SPRED1: variants seen among roughly 807,000 people sequenced by gnomAD.
The protein encoded by SPRED1 is sprouty related EVH1 domain containing 1.
SPRED1 carries 18 observed loss-of-function variants against 52.3 expected under a neutral mutation model. That is an observed-to-expected ratio of 0.34 (90% confidence interval 0.24 to 0.51). SPRED1 has a LOEUF of 0.51. Among genes scored for constraint, SPRED1 ranks in the 20% least tolerant of loss-of-function variants. The pLI is 0.97. For synonymous variants in SPRED1, 155 were observed against 179.7 expected (o/e 0.86, Z 1.10); for missense variants, 485 against 551.0 (o/e 0.88, Z 1.20).
intron 5 of SPRED1, among the ~76,000 whole-genome samples, chr15:38,344,034 A>T (rs1236922894): frequency 1.3e-5 from 2 of 152,190 alleles, no homozygotes; most frequent in African/African-American, 4.8e-5. Context: ...AGCAATCTGC[A>T]TATTTTCGCT....
intron 5 of SPRED1, among the ~76,000 whole-genome samples, chr15:38,340,900 A>G (rs1369750580): frequency 6.7e-6 from 1 of 149,062 alleles, no homozygotes; most frequent in East Asian, 2.0e-4. Context: ...GTTGGACAGT[A>G]TTTCTTTTTT....
Position 38,253,010 on chromosome 15 carries a change from C to A in SPRED1, c.-176C>A. 1.6e-6 allele frequency: 1 copy of A among 636,584 alleles called. No homozygotes were observed. Among genetic ancestry groups the A allele is most frequent in the Non-Finnish European group, 2.8e-6 (1 of 357,042 alleles). The allele number at this position is 636,584 out of a possible 1,614,324, so 39.4% of individuals were successfully genotyped here. ...GCCGCCACCCCCCTGCGGGGGTGGC[C>A]GGGGTTCCCGGCTGGGGGGGTACCG... On this transcript the variant is annotated 5_prime_UTR_variant, in exon 1 of 7. Coordinates refer to ENST00000299084, the MANE Select transcript of SPRED1 (RefSeq NM_152594.3).
intron 4 of SPRED1, among the ~76,000 whole-genome samples, chr15:38,335,672 T>C (rs1895899067): frequency 6.6e-6 from 1 of 152,066 alleles, no homozygotes; most frequent in Non-Finnish European, 1.5e-5. Flanking sequence ...TCAGGCACAA[T>C]GGCCTATACC....
intron 1 of SPRED1, among the ~76,000 whole-genome samples, chr15:38,263,197 G>A (rs1196110398): frequency 2.0e-5 from 3 of 152,140 alleles, no homozygotes; most frequent in Non-Finnish European, 2.9e-5. Flanking sequence ...TTAAATTTAG[G>A]CCGCTGTAAT....
At chr15:38,253,258 CT>C (rs757140393) in intron 1 of SPRED1, 41 bp downstream of exon 1, 10 of 1,552,738 alleles carry the variant, frequency 6.4e-6, no homozygotes, top group Admixed American at 5.8e-5. Context: ...CCCCCTCCCC[CT>C]ATCCGCCCTC....
intron 1 of SPRED1, among the ~76,000 whole-genome samples, chr15:38,265,847 A>G (rs954351303): frequency 2.6e-5 from 4 of 152,140 alleles, no homozygotes; most frequent in African/African-American, 7.2e-5. Context: ...ATGGGAGAGG[A>G]AGATTTTTCA....
intron 1 of SPRED1, among the ~76,000 whole-genome samples, chr15:38,296,436 A>T (rs182633336): frequency 6.6e-6 from 1 of 152,172 alleles, no homozygotes; most frequent in Non-Finnish European, 1.5e-5. Flanking sequence ...ATTCTGGTTC[A>T]TGTGTAATAT....
At chr15:38,330,249 C>G (rs1035657978) in intron 4 of SPRED1, among the ~76,000 whole-genome samples, 1 of 152,136 alleles carries the variant, frequency 6.6e-6, no homozygotes, top group African/African-American at 2.4e-5. Context: ...TATTGCCAGA[C>G]ATTGTGTCTT....
At position 38,354,790 on chromosome 15, in the gene SPRED1, A is replaced by G. The variant is rs1783964259; in HGVS notation, c.*3126A>G. ...TCAAACTTAATGGATGTACTGAGGC[A>G]TTTATAGAACCAGTTGCTTTAACTC... On this transcript the variant is annotated 3_prime_UTR_variant, in exon 7 of 7. Coordinates refer to ENST00000299084, the MANE Select transcript of SPRED1 (RefSeq NM_152594.3). The G allele has an allele frequency of 6.6e-6, 1 of 152,230 alleles. No homozygotes were observed. The highest frequency in any genetic ancestry group is 1.5e-5 in the Non-Finnish European group (1 of 68,044). The allele number at this position is 152,230 out of a possible 1,614,324, so 9.4% of individuals were successfully genotyped here.
intron 1 of SPRED1, among the ~76,000 whole-genome samples, chr15:38,253,880 G>C (rs1414229613): frequency 6.6e-6 from 1 of 152,158 alleles, no homozygotes; most frequent in Non-Finnish European, 1.5e-5. Context: ...AATTTTGAAT[G>C]CTAATTTTTA....
At chr15:38,277,120 A>G (rs1487066849) in intron 1 of SPRED1, among the ~76,000 whole-genome samples, 1 of 152,162 alleles carries the variant, frequency 6.6e-6, no homozygotes, top group Non-Finnish European at 1.5e-5. Flanking sequence ...TTGTGTCAGT[A>G]TAAGGACTTT....
intron 1 of SPRED1, among the ~76,000 whole-genome samples, chr15:38,282,732 T>C (rs1894716717): frequency 6.6e-6 from 1 of 152,202 alleles, no homozygotes; most frequent in Admixed American, 6.5e-5. Flanking sequence ...TTGCTGTTTT[T>C]ATTCAGTTTA....
chr15:38,333,311 T>C (rs577363418), intron 4 of SPRED1, among the ~76,000 whole-genome samples: 1 of 152,106 alleles, frequency 6.6e-6, no homozygotes, highest in Non-Finnish European at 1.5e-5. Context: ...AGCATGTCAT[T>C]GTTGGGCAGA....
intron 2 of SPRED1, among the ~76,000 whole-genome samples, chr15:38,312,058 A>G (rs1895378619): frequency 6.6e-6 from 1 of 152,104 alleles, no homozygotes; most frequent in Admixed American, 6.6e-5. Context: ...TTGGTTTTAT[A>G]AAATTTAACA....
chr15:38,350,327 C>G (rs1888455161), intron 6 of SPRED1, among the ~76,000 whole-genome samples: 1 of 152,160 alleles, frequency 6.6e-6, no homozygotes, highest in Non-Finnish European at 1.5e-5. Context: ...GTGTCTTTCT[C>G]TGTGTGTCCA....
intron 2 of SPRED1, among the ~76,000 whole-genome samples, chr15:38,310,147 G>GTA: frequency 2.9e-5 from 4 of 139,240 alleles, no homozygotes; most frequent in African/African-American, 1.1e-4. Flanking sequence ...GTGTGTGTGT[G>GTA]TGTGTGTTTG....
intron 5 of SPRED1, among the ~76,000 whole-genome samples, chr15:38,348,942 T>TA (rs1896197222): frequency 6.6e-6 from 1 of 152,126 alleles, no homozygotes; most frequent in African/African-American, 2.4e-5. Context: ...AAAAAGTATG[T>TA]AATTTGGTGG....
At chr15:38,282,345 G>A (rs28668462) in intron 1 of SPRED1, among the ~76,000 whole-genome samples, 4,442 of 16,826 alleles carry the variant, frequency 0.26, 182 homozygotes, top group East Asian at 0.45. Context: ...ACACACACAT[G>A]CACACACACA....
chr15:38,325,191 T>A (rs1443503254), intron 4 of SPRED1, among the ~76,000 whole-genome samples: 1 of 152,182 alleles, frequency 6.6e-6, no homozygotes, highest in African/African-American at 2.4e-5. Flanking sequence ...AAATTTACAC[T>A]TGACCTCATG....
Sources: gnomAD v4.1 joint callset for allele counts (sites outside exome capture counted in the v4.1 genomes callset) on GRCh38, gnomAD v4.1.1 for gene constraint, MANE v1.5 for transcripts, NCBI Gene and HGNC (gene_info 2026-07-23, HGNC 2026-07-21) for gene names.